The following CADPS variants were observed in gnomAD, a reference collection of about 807,000 sequenced individuals.
CADPS encodes the protein calcium dependent secretion activator.
A neutral mutation model predicts 167.3 loss-of-function variants in CADPS; 57 were observed. That is an observed-to-expected ratio of 0.34 (90% CI 0.28 to 0.42). The LOEUF (loss-of-function observed/expected upper bound fraction) is 0.42. Among genes scored for constraint, CADPS ranks in the 20% least tolerant of loss-of-function variants. The pLI, the probability that CADPS is intolerant of heterozygous loss-of-function variation, is 1.00. For synonymous variants in CADPS, 676 were observed against 635.3 expected (o/e 1.06, Z -0.96); for missense variants, 1,414 against 1,738.1 (o/e 0.81, Z 3.32).
chr3:62,476,011 C>G (rs536841724), intron 23 of CADPS, among the ~76,000 whole-genome samples: 63 of 152,108 alleles, frequency 4.1e-4, no homozygotes, highest in African/African-American at 1.5e-3. Context: ...GACCAAAACG[C>G]CAGAAAAGGA....
chr3:62,694,314 G>A (rs1177081190), intron 3 of CADPS, among the ~76,000 whole-genome samples: 1 of 152,078 alleles, frequency 6.6e-6, no homozygotes, highest in African/African-American at 2.4e-5. Context: ...GTTTGATCAT[G>A]CTCTAAGGTA....
At chr3:62,836,257 A>C (rs1372599865) in intron 1 of CADPS, among the ~76,000 whole-genome samples, 1 of 152,168 alleles carries the variant, frequency 6.6e-6, no homozygotes, top group Non-Finnish European at 1.5e-5. Context: ...TAAATTATCA[A>C]ACTAATCCAG....
intron 6 of CADPS, among the ~76,000 whole-genome samples, chr3:62,593,135 G>A (rs1179585209): frequency 6.6e-6 from 1 of 152,146 alleles, no homozygotes; most frequent in African/African-American, 2.4e-5. Flanking sequence ...CTTGGGATGG[G>A]GCTTCATTTG....
intron 28 of CADPS, among the ~76,000 whole-genome samples, chr3:62,414,232 C>T (rs1487290830): frequency 3.9e-5 from 6 of 152,114 alleles, no homozygotes; most frequent in African/African-American, 1.2e-4. Context: ...GTCCCTTATC[C>T]ACCAGCCCCC....
At chr3:62,565,235 G>A (rs2079935179) in intron 9 of CADPS, among the ~76,000 whole-genome samples, 2 of 152,198 alleles carry the variant, frequency 1.3e-5, no homozygotes, top group African/African-American at 2.4e-5. Flanking sequence ...CTGGGTTAGG[G>A]TTTGCAGCCA....
At chr3:62,837,672 A>G (rs538747275) in intron 1 of CADPS, among the ~76,000 whole-genome samples, 1 of 152,338 alleles carries the variant, frequency 6.6e-6, no homozygotes, top group South Asian at 2.1e-4. Flanking sequence ...GCCAAGCAAT[A>G]GATATCAACA....
At chr3:62,699,057 C>A (rs2080912074) in intron 3 of CADPS, among the ~76,000 whole-genome samples, 2 of 151,962 alleles carry the variant, frequency 1.3e-5, no homozygotes, top group Admixed American at 6.6e-5. Flanking sequence ...AATTTTGGCA[C>A]ACCCATCACC....
intron 3 of CADPS, among the ~76,000 whole-genome samples, chr3:62,708,081 T>C (rs1341836823): frequency 6.6e-6 from 1 of 151,942 alleles, no homozygotes; most frequent in Non-Finnish European, 1.5e-5. Context: ...ACTAACACCA[T>C]GGCCAGCTAA....
At chr3:62,707,896 A>G (rs912668402) in intron 3 of CADPS, among the ~76,000 whole-genome samples, 1 of 147,828 alleles carries the variant, frequency 6.8e-6, no homozygotes, top group African/African-American at 2.5e-5. Context: ...GTATAAGGAG[A>G]GTTTGGAGCA....
At chr3:62,476,460 T>G (rs1464176759) in intron 23 of CADPS, among the ~76,000 whole-genome samples, 58 of 152,180 alleles carry the variant, frequency 3.8e-4, no homozygotes, top group Non-Finnish European at 5.9e-5. Flanking sequence ...GCCATACATG[T>G]GCAGTGGAGC....
At chr3:62,665,606 T>C (rs191862145) in intron 3 of CADPS, among the ~76,000 whole-genome samples, 8 of 152,336 alleles carry the variant, frequency 5.3e-5, no homozygotes, top group Admixed American at 5.2e-4. Flanking sequence ...TTGTTCCTTG[T>C]AGACACGGGC....
chr3:62,465,489 A>G lies in CADPS; in HGVS notation c.3553-39T>C, dbSNP rs1323574757. On this transcript the variant is annotated intron_variant, in intron 25 of 29. Transcript: ENST00000383710. This position sits in a 1 kb window ranked among gnomAD's most constrained non-coding sequence, Gnocchi z 4.1. ...AAAAAAGAAAAAAATGTTATTTCAAACTATAATTGTTCACCATAAAGCACA... is the reference window on the plus strand; with the variant it reads ...AAAAAAGAAAAAAATGTTATTTCAAGCTATAATTGTTCACCATAAAGCACA... The G allele has an allele frequency of 1.1e-5, 16 of 1,409,390 alleles. No homozygotes were observed. Among genetic ancestry groups the G allele is most frequent in the Admixed American group, 1.8e-5 (1 of 55,936 alleles). 87.3% of individuals were successfully genotyped at this position (1,409,390 alleles called of 1,614,324 possible).
chr3:62,437,884 A>G (rs1427665847), intron 28 of CADPS, among the ~76,000 whole-genome samples: 1 of 152,148 alleles, frequency 6.6e-6, no homozygotes, highest in Admixed American at 6.5e-5. Flanking sequence ...GTGCCGTCCT[A>G]CGTATCACAC....
intron 27 of CADPS, 67 bp downstream of exon 27, chr3:62,445,698 C>CA: frequency 2.1e-6 from 2 of 970,568 alleles, no homozygotes; most frequent in Non-Finnish European, 2.7e-6. Context: ...CTCATGAAAA[C>CA]AAAAAGTAAA....
chr3:62,662,818 G>T (rs543082446), intron 3 of CADPS, among the ~76,000 whole-genome samples: 1 of 152,130 alleles, frequency 6.6e-6, no homozygotes, highest in Non-Finnish European at 1.5e-5. Flanking sequence ...GGGTCCAGCC[G>T]CTCTCCACCT....
chr3:62,635,646 GTTTT>G (rs67151220), intron 6 of CADPS, among the ~76,000 whole-genome samples: 58,152 of 144,340 alleles, frequency 0.4, 11,662 homozygotes, highest in East Asian at 0.6. Context: ...GGCTTTCTCT[GTTTT>G]TTTTTTTTTT....
rs1226243395 is a variant in CADPS, at chr3:62,601,251, A to G, written c.1326-8503T>C. 6.6e-6 allele frequency among the ~76,000 whole-genome samples: 1 copy of G among 152,246 alleles called. No individual in the cohort carries two copies. The highest frequency in any genetic ancestry group is 1.5e-5 in the Non-Finnish European group (1 of 68,054). ...GAAATTCAAATTTTGATGCCCATCA[A>G]TAACGTTTTATTAGAACATAGTTAG... is the stretch of plus-strand genomic sequence containing the variant. On this transcript the variant is annotated intron_variant, in intron 6 of 29. Coordinates refer to ENST00000383710, the MANE Select transcript of CADPS (RefSeq NM_003716.4). This position sits in a 1 kb window ranked among gnomAD's most constrained non-coding sequence, Gnocchi z 4.3.
chr3:62,651,836 C>T (rs963851666), intron 4 of CADPS, among the ~76,000 whole-genome samples: 3 of 152,156 alleles, frequency 2.0e-5, no homozygotes, highest in African/African-American at 7.2e-5. Context: ...CATAAACTTG[C>T]CCTCCCCAAG....
At chr3:62,641,989 A>T (rs1055207795) in intron 6 of CADPS, among the ~76,000 whole-genome samples, 12 of 152,130 alleles carry the variant, frequency 7.9e-5, no homozygotes, top group African/African-American at 2.9e-4. Context: ...AAGTGAAGAG[A>T]TGGCACTGAT....
Sources: allele counts gnomAD v4.1 joint callset (sites outside exome capture counted in the v4.1 genomes callset), GRCh38; gene constraint gnomAD v4.1.1; non-coding constraint Gnocchi (gnomAD v3.1); transcripts MANE v1.5; gene names NCBI Gene and HGNC (gene_info 2026-07-23, HGNC 2026-07-21).